JAKMIP3: variants seen among roughly 807,000 people sequenced by gnomAD.
JAKMIP3 encodes the protein janus kinase and microtubule-interacting protein 3.
In JAKMIP3, 58 loss-of-function variants were observed where a neutral mutation model predicts 118.5. That is an observed-to-expected ratio of 0.49 (90% CI 0.40 to 0.61). The LOEUF is 0.61. Among genes scored for constraint, JAKMIP3 ranks in the 20% least tolerant of loss-of-function variants. JAKMIP3 has a pLI of 0.00. For missense variants in JAKMIP3, 950 were observed against 1,109.0 expected, an observed-to-expected ratio of 0.86 and a Z score of 2.04; for synonymous variants, 486 against 451.2, an observed-to-expected ratio of 1.08 and a Z score of -0.98.
At chr10:132,121,117 T>G (rs2048472934) in intron 3 of JAKMIP3, among the ~76,000 whole-genome samples, 1 of 151,486 alleles carries the variant, frequency 6.6e-6, no homozygotes, top group Admixed American at 6.6e-5. Context: ...AGAGGCAGGC[T>G]GGGGTGAGGG....
At chr10:132,180,558 CGTGTGT>C (rs1282156847) in intron 23 of JAKMIP3, among the ~76,000 whole-genome samples, 2 of 24,996 alleles carry the variant, frequency 8.0e-5, no homozygotes, top group African/African-American at 6.6e-4. Flanking sequence ...TGCGTGCATG[CGTGTGT>C]GTGCGTGTGT....
chr10:132,151,930 G>A (rs755236126), intron 16 of JAKMIP3, among the ~76,000 whole-genome samples: 2 of 152,250 alleles, frequency 1.3e-5, no homozygotes, highest in Admixed American at 6.5e-5. Flanking sequence ...AAGCCTGGCT[G>A]TGCAATCAGT....
At chr10:132,131,845 C>T (rs1392150891) in intron 3 of JAKMIP3, among the ~76,000 whole-genome samples, 1 of 152,130 alleles carries the variant, frequency 6.6e-6, no homozygotes, top group Non-Finnish European at 1.5e-5. Context: ...GTGCCGCCCC[C>T]CACCCACAGC....
chr10:132,043,624 C>A (rs1462802883), intron 1 of JAKMIP3, among the ~76,000 whole-genome samples: 1 of 152,238 alleles, frequency 6.6e-6, no homozygotes, highest in Non-Finnish European at 1.5e-5. Context: ...CCCACAGGCG[C>A]CTGGGCTTTA....
At chr10:132,133,628 C>A in intron 4 of JAKMIP3, 101 bp downstream of exon 4, 2 of 1,142,644 alleles carry the variant, frequency 1.8e-6, no homozygotes, top group Non-Finnish European at 2.5e-6. Context: ...GAGACCAGAG[C>A]CCGAGTTGAG....
chr10:132,064,252 G>C (rs2038527794), upstream of JAKMIP3, among the ~76,000 whole-genome samples: 1 of 152,292 alleles, frequency 6.6e-6, no homozygotes, highest in Middle Eastern at 3.4e-3. The surrounding 1 kb of genome is among the most constrained non-coding windows in gnomAD (Gnocchi z 4.4). Context: ...CCTGGCACGG[G>C]GTAGGTGCTA....
intron 1 of JAKMIP3, among the ~76,000 whole-genome samples, chr10:132,041,686 C>T (rs933391016): frequency 6.6e-6 from 1 of 152,214 alleles, no homozygotes; most frequent in African/African-American, 2.4e-5. Flanking sequence ...GTGGCCCAGG[C>T]TGGGTGGGCA....
intron 23 of JAKMIP3, among the ~76,000 whole-genome samples, chr10:132,173,592 CT>C (rs1225911833): frequency 1.3e-5 from 2 of 152,176 alleles, no homozygotes; most frequent in African/African-American, 4.8e-5. Context: ...AGCCAGGTGC[CT>C]TTGTACAGCT....
At chr10:132,061,280 C>T (rs1361693869), upstream of JAKMIP3, among the ~76,000 whole-genome samples, 1 of 151,700 alleles carries the variant, frequency 6.6e-6, no homozygotes, top group Non-Finnish European at 1.5e-5. Flanking sequence ...CGCACACACA[C>T]CTGCCGTGAC....
chr10:132,095,236 C>T (rs1255976522), intron 1 of JAKMIP3, among the ~76,000 whole-genome samples: 1 of 152,210 alleles, frequency 6.6e-6, no homozygotes, highest in African/African-American at 2.4e-5. Flanking sequence ...CAAGTTCTGG[C>T]CAGGAGGCTT....
intron 3 of JAKMIP3, among the ~76,000 whole-genome samples, chr10:132,126,294 TG>T (rs927222951): frequency 7.3e-5 from 11 of 151,126 alleles, no homozygotes; most frequent in African/African-American, 2.7e-4. Context: ...GTGGGTTTTT[TG>T]GCAATACTTT....
intron 13 of JAKMIP3, among the ~76,000 whole-genome samples, chr10:132,147,361 G>A (rs1161797874): frequency 5.9e-5 from 9 of 152,220 alleles, no homozygotes; most frequent in Non-Finnish European, 1.0e-4. Context: ...GCCGTGGGCC[G>A]TGTCACTTGA....
chr10:132,082,899 C>T lies in JAKMIP3; in HGVS notation c.-138+16838C>T, dbSNP rs766050039. 5.3e-5 allele frequency among the ~76,000 whole-genome samples: 8 copies of T among 152,240 alleles called. No homozygotes were observed. The East Asian group carries it at 7.7e-4, about 15-fold the overall frequency. ...GCGGGAATACAGGCGTGAACCACCG[C>T]GCCCGGCCTATACCACAGTTTCTTT... On this transcript the variant is annotated intron_variant, in intron 1 of 23. Transcript: ENST00000684848.
At chr10:132,139,834 C>G (rs2053111177) in intron 9 of JAKMIP3, among the ~76,000 whole-genome samples, 1 of 152,106 alleles carries the variant, frequency 6.6e-6, no homozygotes, top group Admixed American at 6.5e-5. Context: ...GACCTGGAGG[C>G]CACTGTGGCC....
chr10:132,077,714 G>A (rs1446268239), intron 1 of JAKMIP3, among the ~76,000 whole-genome samples: 5 of 152,304 alleles, frequency 3.3e-5, no homozygotes, highest in Non-Finnish European at 7.4e-5. Context: ...GCAATGGCAC[G>A]ATCTCAGCTC....
chr10:132,065,143 A>G (rs1407160414), upstream of JAKMIP3, among the ~76,000 whole-genome samples: 1 of 152,098 alleles, frequency 6.6e-6, no homozygotes, highest in Non-Finnish European at 1.5e-5. This position sits in a 1 kb window ranked among gnomAD's most constrained non-coding sequence, Gnocchi z 5.6. Context: ...GCAGCCCTCA[A>G]GGCTGCCTTG....
chr10:132,166,900 C>T (rs1221337720), intron 21 of JAKMIP3, 83 bp from the exon 22 acceptor site: 27 of 940,954 alleles, frequency 2.9e-5, no homozygotes, highest in Non-Finnish European at 3.7e-5. Flanking sequence ...TCTGTAATCG[C>T]GTGTATTTCT....
chr10:132,063,580 G>A (rs192285446), upstream of JAKMIP3, among the ~76,000 whole-genome samples: 254 of 152,290 alleles, frequency 1.7e-3, no homozygotes, highest in African/African-American at 5.3e-3. Context: ...GTGTCAGCCC[G>A]GCCCAGCACC....
At chr10:132,121,438 G>A (rs1466744732) in intron 3 of JAKMIP3, among the ~76,000 whole-genome samples, 3 of 152,212 alleles carry the variant, frequency 2.0e-5, no homozygotes, top group Non-Finnish European at 2.9e-5. Context: ...GCCATAGCAC[G>A]GGCCGGCACC....
Sources: gnomAD v4.1 joint callset for allele counts (sites outside exome capture counted in the v4.1 genomes callset) on GRCh38, gnomAD v4.1.1 for gene constraint, Gnocchi (gnomAD v3.1) non-coding constraint, MANE v1.5 for transcripts, NCBI Gene and HGNC (gene_info 2026-07-23, HGNC 2026-07-21) for gene names.